The following DNA2 variants were observed in gnomAD, a reference collection of about 807,000 sequenced individuals.
DNA2 encodes the protein DNA replication ATP-dependent helicase/nuclease DNA2.
DNA2 carries 101 observed loss-of-function variants against 119.1 expected under a neutral mutation model. The ratio of observed to expected loss-of-function variants is 0.85; its 90% CI spans 0.72 to 1.00. The LOEUF is 1.00. DNA2 is among the 50% of genes least tolerant of loss of function. The pLI, the probability that DNA2 is intolerant of heterozygous loss-of-function variation, is 0.00. For missense variants in DNA2, 1,121 were observed against 1,255.5 expected (o/e 0.89, Z 1.62); for synonymous variants, 366 against 424.4 (o/e 0.86, Z 1.69).
At chr10:68,447,618 A>G (rs796562807) in intron 6 of DNA2, among the ~76,000 whole-genome samples, 10 of 150,648 alleles carry the variant, frequency 6.6e-5, no homozygotes, top group African/African-American at 2.4e-4. Context: ...GACCCTGGGA[A>G]GTAAAGGCTG....
At chr10:68,429,117 T>C in intron 14 of DNA2, among the ~76,000 whole-genome samples, 1 of 152,082 alleles carries the variant, frequency 6.6e-6, no homozygotes, top group Non-Finnish European at 1.5e-5. Context: ...ATGCTAGCAT[T>C]AGACAAAGGA....
intron 4 of DNA2, 113 bp downstream of exon 4, chr10:68,465,554 G>T: frequency 1.2e-6 from 1 of 825,498 alleles, no homozygotes; most frequent in Non-Finnish European, 1.7e-6. Context: ...TATGAAATCT[G>T]CATTTTAGAT....
chr10:68,461,828 C>CAAAAAAAAAAA (rs554059657), intron 4 of DNA2, among the ~76,000 whole-genome samples: 1 of 70,294 alleles, frequency 1.4e-5, no homozygotes, highest in African/African-American at 4.1e-5. Flanking sequence ...AACTCCGTCT[C>CAAAAAAAAAAA]AAAAAAAAAA....
intron 5 of DNA2, among the ~76,000 whole-genome samples, chr10:68,457,191 A>G (rs2052196507): frequency 6.6e-6 from 1 of 151,878 alleles, no homozygotes; most frequent in Non-Finnish European, 1.5e-5. Context: ...CATTCTAATC[A>G]GAGCAGCAGC....
upstream of DNA2, chr10:68,472,045 G>GC (rs1300387256): frequency 5.0e-6 from 8 of 1,602,980 alleles, no homozygotes; most frequent in Non-Finnish European, 6.0e-6. Flanking sequence ...TCCACGTGGG[G>GC]CCCCTCACCT....
At chr10:68,439,900 G>A (rs558140661) in intron 9 of DNA2, among the ~76,000 whole-genome samples, 30 of 152,168 alleles carry the variant, frequency 2.0e-4, no homozygotes, top group African/African-American at 6.7e-4. Flanking sequence ...AGCTACTCAG[G>A]AGGCTGAGGC....
In DNA2 at chr10:68,447,151, A is replaced by T. The variant is rs930981578; in HGVS notation, c.940-738T>A. Reference sequence around the variant, plus strand: ...ACCTACTAAGTACCCACAAAAATTTAAAAGCATAAAAACAAAAACGTAGTG... The same window carrying T: ...ACCTACTAAGTACCCACAAAAATTTTAAAGCATAAAAACAAAAACGTAGTG... On this transcript the variant is annotated intron_variant, in intron 6 of 20. Transcript: ENST00000358410. 3.9e-5 allele frequency among the ~76,000 whole-genome samples: 6 copies of T among 152,176 alleles called. No individual in the cohort carries two copies. The South Asian group carries it at 1.2e-3, about 31-fold the overall frequency.
intron 14 of DNA2, among the ~76,000 whole-genome samples, chr10:68,428,499 T>A (rs1032211424): frequency 6.6e-6 from 1 of 152,174 alleles, no homozygotes; most frequent in South Asian, 2.1e-4. Context: ...TGAAGACTTA[T>A]GTTACGCAAA....
chr10:68,445,531 A>T (rs1205535878), intron 7 of DNA2, among the ~76,000 whole-genome samples: 1 of 152,086 alleles, frequency 6.6e-6, no homozygotes, highest in Admixed American at 6.6e-5. Context: ...AACAGTATTC[A>T]TATTTCCCAC....
chr10:68,468,292 A>G lies in DNA2; in HGVS notation c.272T>C (p.Val91Ala). Reference protein sequence around the residue: ...ILRNDWCSVPVEPGDIIHLEG... With the variant: ...ILRNDWCSVPAEPGDIIHLEG... The stretch of plus-strand genomic sequence containing the variant: ...CAAATGAATGATATCTCCTGGCTCT[A>G]CTGGAACAGAACACCTGAAAATAAA... The change falls in exon 3 of 21, where the codon GTA becomes GCA. Residue 91 changes from valine to alanine, a missense_variant. Val to Ala is a moderately conservative substitution (Grantham distance 64). Coordinates refer to ENST00000358410, the MANE Select transcript of DNA2 (RefSeq NM_001080449.3). 1.3e-6 allele frequency: 2 copies of G among 1,590,138 alleles called. No individual in the cohort carries two copies. Among genetic ancestry groups the G allele is most frequent in the Non-Finnish European group, 1.7e-6 (2 of 1,169,234 alleles).
rs1006350753 is a variant in DNA2, at chr10:68,419,133, A to G, written c.2868T>C (p.Arg956=). 7 of 1,613,306 alleles carry G rather than the reference A, an allele frequency of 4.3e-6. No homozygotes were observed. In the African/African-American group the frequency reaches 8.0e-5, roughly 18 times the overall value. ...QLKIINDLLA[R]SIGMVEVNTV... ...TATTAACTTCGACCATCCCAATAGAACGTGCCAATAAATCATTGATGATCT... is the reference window on the plus strand; with the variant it reads ...TATTAACTTCGACCATCCCAATAGAGCGTGCCAATAAATCATTGATGATCT... Residue 956 remains arginine (R), a synonymous_variant, in exon 19 of 21, where the codon CGT becomes CGC. Coordinates refer to ENST00000358410, the MANE Select transcript of DNA2 (RefSeq NM_001080449.3).
intron 13 of DNA2, among the ~76,000 whole-genome samples, chr10:68,431,199 A>G (rs1015224195): frequency 6.8e-6 from 1 of 148,016 alleles, no homozygotes; most frequent in East Asian, 2.0e-4. Context: ...CACGTTAACA[A>G]GACTCCATCT....
rs754658399 is a variant in DNA2 at position 68,450,106 on chromosome 10, C to A, written c.861G>T (p.Gly287=). Residue 287 remains glycine, a synonymous_variant, in exon 6 of 21, where the codon GGG becomes GGT. Transcript: ENST00000358410. The stretch of plus-strand genomic sequence containing the variant: ...GCATTATCTTGTATTTTGTTTTATA[C>A]CCTCGATGTATTTTCACACCAACTG... ...DVTVGVKIHR[G]YKTKYKIMPL... 3 of 1,603,188 alleles carry A rather than the reference C, an allele frequency of 1.9e-6. No homozygotes were observed. The highest frequency in any genetic ancestry group is 1.1e-5 in the South Asian group (1 of 89,536).
intron 14 of DNA2, among the ~76,000 whole-genome samples, chr10:68,428,468 T>C (rs912701860): frequency 6.6e-6 from 1 of 152,010 alleles, no homozygotes; most frequent in African/African-American, 2.4e-5. Flanking sequence ...ATTGTACTAC[T>C]GGGAATTTAT....
intron 1 of DNA2, among the ~76,000 whole-genome samples, chr10:68,471,461 C>T (rs1253496922): frequency 3.9e-5 from 6 of 152,176 alleles, no homozygotes; most frequent in Admixed American, 3.9e-4. Flanking sequence ...GTTAATCCAA[C>T]TAAACATCGA....
At chr10:68,424,852 G>A (rs2051716262) in intron 14 of DNA2, 1 of 801,246 alleles carries the variant, frequency 1.2e-6, no homozygotes, top group Non-Finnish European at 2.2e-6. Context: ...GTCCACGTGG[G>A]TACTCACCCA....
In DNA2 at chr10:68,450,593, G is replaced by T. The variant is rs773425338; in HGVS notation, c.720-346C>A. 9.2e-5 allele frequency among the ~76,000 whole-genome samples: 14 copies of T among 152,054 alleles called. No homozygotes were observed. In the South Asian group the frequency reaches 1.4e-3, roughly 16 times the overall value. ...TGCTCATGGAATTTAGTCTTTCTTG[G>T]TATTTATCATCTGTTCCTTTCAGTC... On this transcript the variant is annotated intron_variant, in intron 5 of 20. Transcript: ENST00000358410.
chr10:68,457,345 C>A (rs1371187414), intron 5 of DNA2, among the ~76,000 whole-genome samples: 1 of 152,126 alleles, frequency 6.6e-6, no homozygotes, highest in East Asian at 1.9e-4. Flanking sequence ...TGCCGTTTCC[C>A]CTACCTAGAA....
At chr10:68,446,241 A>C (rs2052037620) in intron 7 of DNA2, 55 bp downstream of exon 7, 1 of 893,874 alleles carries the variant, frequency 1.1e-6, no homozygotes, top group Admixed American at 2.3e-5. Flanking sequence ...GTATCACTAG[A>C]AGCTGAAGTG....
Sources: allele counts gnomAD v4.1 joint callset (sites outside exome capture counted in the v4.1 genomes callset), GRCh38; gene constraint gnomAD v4.1.1; transcripts MANE v1.5; gene names NCBI Gene and HGNC (gene_info 2026-07-23, HGNC 2026-07-21).